Variants in CD36 observed in about 807,000 individuals in gnomAD.
CD36 encodes the protein platelet glycoprotein 4.
Under a neutral mutation model 55.2 loss-of-function variants are expected in CD36, and 119 were observed. That is an observed-to-expected ratio of 2.15 (90% CI 1.86 to 2.51). The LOEUF is 2.51. CD36 is among the 30% of genes most tolerant of loss of function. The pLI, the probability that CD36 is intolerant of heterozygous loss-of-function variation, is 0.00. For missense variants in CD36, 819 were observed against 555.5 expected (o/e 1.47, Z -4.77); for synonymous variants, 186 against 193.6 (o/e 0.96, Z 0.33).
At chr7:80,624,104 C>T (rs1268831576) in intron 1 of CD36, 1 of 152,172 alleles carries the variant, frequency 6.6e-6, no homozygotes, top group African/African-American at 2.4e-5. Flanking sequence ...CCAGAGTCTT[C>T]GGTGTTAATT....
chr7:80,674,097 G>A lies in CD36; in HGVS notation c.1369G>A (p.Val457Ile), dbSNP rs772343580. 17 of 1,612,340 alleles carry A rather than the reference G, an allele frequency of 1.1e-5. No homozygotes were observed. The highest frequency in any genetic ancestry group is 4.0e-5 in the African/African-American group (3 of 74,830). ...ACTCAGTGTTGGTGTGGTGATGTTT[G>A]TTGCTTTTATGATTTCATATTGTGC... ...ILLSVGVVMF[V>I]AFMISYCACR... The change falls in exon 14 of 15, where the codon GTT becomes ATT. Residue 457 changes from valine (V) to isoleucine (I), a missense_variant. By Grantham distance (29) the Val-to-Ile change is conservative. Transcript: ENST00000447544.
chr7:80,673,530 G>C, intron 13 of CD36, 121 bp downstream of exon 13: 1 of 724,716 alleles, frequency 1.4e-6, no homozygotes, highest in Non-Finnish European at 2.5e-6. Flanking sequence ...CCATATGGAT[G>C]AGTATACATT....
chr7:80,615,699 C>T (rs1793111622), intron 1 of CD36, among the ~76,000 whole-genome samples: 1 of 152,136 alleles, frequency 6.6e-6, no homozygotes. Context: ...AGTACGTTTC[C>T]TTTCTCTTAA....
Position 80,663,005 on chromosome 7 carries a change from T to TATCA in CD36, c.447_450dup (p.Asn151SerfsTer14), listed in dbSNP as rs780114238. ...GTTTTTGTAGGCTGCATCCCATATCTATCAAAATCAATTTGTTCAAATGAT... is the reference window on the plus strand; with the variant it reads ...GTTTTTGTAGGCTGCATCCCATATCTATCAATCAAAATCAATTTGTTCAAATGAT... On this transcript the variant is annotated frameshift_variant, in exon 6 of 15. Transcript: ENST00000447544. LOFTEE classifies it high-confidence loss of function. 172 of 1,612,538 alleles carry TATCA rather than the reference T, an allele frequency of 1.1e-4. No individual in the cohort carries two copies. The Middle Eastern group carries it at 3.0e-3, about 28-fold the overall frequency.
chr7:80,667,335 C>G (rs937247816), intron 8 of CD36, among the ~76,000 whole-genome samples: 2 of 147,658 alleles, frequency 1.4e-5, no homozygotes, highest in Non-Finnish European at 3.0e-5. Flanking sequence ...GAGGCTGAGG[C>G]AGGAGGATCA....
chr7:80,609,826 G>A (rs2115752354), intron 1 of CD36, among the ~76,000 whole-genome samples: 1 of 152,260 alleles, frequency 6.6e-6, no homozygotes, highest in Non-Finnish European at 1.5e-5. Context: ...GTTACAAAAA[G>A]CCTGAGTTAG....
At chr7:80,618,062 T>G (rs150857727) in intron 1 of CD36, among the ~76,000 whole-genome samples, 1 of 152,056 alleles carries the variant, frequency 6.6e-6, no homozygotes, top group East Asian at 1.9e-4. Flanking sequence ...ATGCTTTTGG[T>G]TTTTTTTACA....
At chr7:80,674,535 C>A in intron 14 of CD36, 1 of 221,622 alleles carries the variant, frequency 4.5e-6, no homozygotes, top group Non-Finnish European at 9.1e-6. Context: ...ACATGCTGGC[C>A]GTGCATTTTC....
chr7:80,644,863 C>T (rs1795041657), intron 1 of CD36, among the ~76,000 whole-genome samples: 1 of 152,110 alleles, frequency 6.6e-6, no homozygotes, highest in African/African-American at 2.4e-5. Context: ...CTATAAAGCG[C>T]ATTCTGACTA....
chr7:80,624,364 G>A (rs1402830328), intron 1 of CD36, among the ~76,000 whole-genome samples: 1 of 152,072 alleles, frequency 6.6e-6, no homozygotes, highest in East Asian at 1.9e-4. Context: ...AATTTATGGA[G>A]TATTGTAGGC....
intron 1 of CD36, among the ~76,000 whole-genome samples, chr7:80,602,874 T>G (rs145639607): frequency 0.01 from 1,538 of 152,308 alleles, 26 homozygotes; most frequent in African/African-American, 0.034. Context: ...AATGACCTTC[T>G]TTCATGGAAC....
chr7:80,602,638 C>T (rs559840959), intron 1 of CD36, among the ~76,000 whole-genome samples: 2 of 152,156 alleles, frequency 1.3e-5, no homozygotes, highest in East Asian at 3.9e-4. Flanking sequence ...TTTCTAGTTG[C>T]CTAGTTCATG....
intron 1 of CD36, among the ~76,000 whole-genome samples, chr7:80,643,614 G>A (rs978669583): frequency 5.3e-5 from 8 of 152,114 alleles, no homozygotes; most frequent in African/African-American, 1.4e-4. Flanking sequence ...GGAAGACAAA[G>A]TTAAGAAACA....
Position 80,672,840 on chromosome 7 carries a change from T to A in CD36, c.1196T>A (p.Ile399Asn). The A allele has an allele frequency of 1.2e-6, 2 of 1,605,948 alleles. No individual in the cohort carries two copies. Among genetic ancestry groups the A allele is most frequent in the African/African-American group, 1.3e-5 (1 of 74,780 alleles). The change falls in exon 12 of 15, where the codon ATT becomes AAT. Residue 399 changes from isoleucine to asparagine, a missense_variant. Physicochemically the swap from Ile to Asn is moderately radical, Grantham distance 149. Coordinates refer to ENST00000447544, the MANE Select transcript of CD36 (RefSeq NM_001001548.3). ...CTATTGGTCAAGCCATCAGAAAAAA[T>A]TCAGTGAGTCTCTTGAAAATGGTTA... ...VNLLVKPSEKIQVLKNLKRNY... is the reference protein window; with the variant it reads ...VNLLVKPSEKNQVLKNLKRNY...
chr7:80,603,154 C>T (rs376488691), intron 1 of CD36, among the ~76,000 whole-genome samples: 4 of 151,874 alleles, frequency 2.6e-5, no homozygotes, highest in East Asian at 1.9e-4. Flanking sequence ...CAGACAACAC[C>T]GCCAGGAATG....
chr7:80,649,388 T>A (rs1008905980), intron 3 of CD36, among the ~76,000 whole-genome samples: 2 of 152,078 alleles, frequency 1.3e-5, no homozygotes, highest in African/African-American at 4.8e-5. Flanking sequence ...CTGTAGGATA[T>A]GACCACTTTC....
intron 1 of CD36, among the ~76,000 whole-genome samples, chr7:80,642,521 C>T (rs577231474): frequency 1.3e-4 from 20 of 152,126 alleles, no homozygotes; most frequent in African/African-American, 4.6e-4. Context: ...GCACGTCTTA[C>T]GTAGTATGGG....
In CD36 at chr7:80,663,135, A is replaced by T. The variant is rs1796694806; in HGVS notation, c.575A>T (p.Tyr192Phe). Residue 192 changes from tyrosine to phenylalanine, a missense_variant, in exon 6 of 15, where the codon TAC becomes TTC. Physicochemically the swap from Tyr to Phe is conservative, Grantham distance 22. Transcript: ENST00000447544. ...YRDPFLSLVP[Y>F]PVTTTVGLFY... Reference sequence around the variant, plus strand: ...GATCCATTTTTGAGTTTGGTTCCGTACCCTGTTACTACCACAGTTGGTCTG... The same window carrying T: ...GATCCATTTTTGAGTTTGGTTCCGTTCCCTGTTACTACCACAGTTGGTCTG... 1.2e-6 allele frequency: 2 copies of T among 1,613,696 alleles called. No individual in the cohort carries two copies. Among genetic ancestry groups the T allele is most frequent in the East Asian group, 4.5e-5 (2 of 44,784 alleles).
chr7:80,667,756 T>TC (rs1277712505), intron 8 of CD36, among the ~76,000 whole-genome samples: 1 of 137,872 alleles, frequency 7.3e-6, no homozygotes, highest in East Asian at 2.3e-4. Flanking sequence ...TGTTTTTTTT[T>TC]TTTTTTTTTT....
Sources: allele counts gnomAD v4.1 joint callset (sites outside exome capture counted in the v4.1 genomes callset), GRCh38; gene constraint gnomAD v4.1.1; transcripts MANE v1.5; gene names NCBI Gene and HGNC (gene_info 2026-07-23, HGNC 2026-07-21).